Variants in PPARG observed in about 807,000 individuals in gnomAD.
PPARG encodes the protein peroxisome proliferator-activated receptor gamma.
In PPARG, 17 loss-of-function variants were observed where a neutral mutation model predicts 39.2. The observed-to-expected ratio is 0.43, with a 90% CI of 0.30 to 0.65. The LOEUF (loss-of-function observed/expected upper bound fraction) is 0.65. PPARG is among the 30% of genes least tolerant of loss of function. The pLI, the probability that PPARG is intolerant of heterozygous loss-of-function variation, is 0.13. For synonymous variants in PPARG, 223 were observed against 215.7 expected (o/e 1.03, Z -0.30); for missense variants, 406 against 585.9 (o/e 0.69, Z 3.17).
intron 2 of PPARG, among the ~76,000 whole-genome samples, chr3:12,337,700 C>G (rs770331572): frequency 2.6e-5 from 4 of 152,160 alleles, no homozygotes; most frequent in Non-Finnish European, 5.9e-5. Context: ...TTGCTCCCAC[C>G]CCTGCCCCCA....
At chr3:12,389,086 T>A (rs1249111235) in intron 4 of PPARG, among the ~76,000 whole-genome samples, 1 of 152,212 alleles carries the variant, frequency 6.6e-6, no homozygotes, top group African/African-American at 2.4e-5. Flanking sequence ...AAGAGGTATG[T>A]CTTCTTCACT....
intron 2 of PPARG, among the ~76,000 whole-genome samples, chr3:12,330,630 T>C (rs921103141): frequency 6.6e-6 from 1 of 152,246 alleles, no homozygotes; most frequent in African/African-American, 2.4e-5. Flanking sequence ...TAAGGTCAAA[T>C]GCTTTTTGTG....
intron 6 of PPARG, among the ~76,000 whole-genome samples, chr3:12,409,833 TG>T (rs2050814694): frequency 6.6e-6 from 1 of 152,216 alleles, no homozygotes; most frequent in East Asian, 1.9e-4. Flanking sequence ...TATTGTAGAA[TG>T]CGCCCTGCCC....
chr3:12,359,610 T>C (rs896601210), intron 2 of PPARG, among the ~76,000 whole-genome samples: 8 of 151,872 alleles, frequency 5.3e-5, no homozygotes, highest in African/African-American at 1.9e-4. Flanking sequence ...ATAGGCCTTA[T>C]ATACAAGCCA....
chr3:12,321,108 C>G (rs2125020212), intron 2 of PPARG, among the ~76,000 whole-genome samples: 1 of 152,274 alleles, frequency 6.6e-6, no homozygotes, highest in East Asian at 1.9e-4. Flanking sequence ...CACATATTTA[C>G]CAGGAAAAGC....
intron 7 of PPARG, among the ~76,000 whole-genome samples, chr3:12,425,063 C>T (rs1363932380): frequency 1.3e-5 from 2 of 152,174 alleles, no homozygotes; most frequent in Admixed American, 6.5e-5. Flanking sequence ...TATAAATACC[C>T]CTAGGGGATA....
chr3:12,341,917 TAC>T (rs2048194352), intron 2 of PPARG, among the ~76,000 whole-genome samples: 1 of 152,240 alleles, frequency 6.6e-6, no homozygotes, highest in Non-Finnish European at 1.5e-5. Context: ...TAAAGTTTGT[TAC>T]ACCTTTAGGT....
At chr3:12,336,550 C>A (rs546621375) in intron 2 of PPARG, among the ~76,000 whole-genome samples, 3 of 152,316 alleles carry the variant, frequency 2.0e-5, no homozygotes, top group African/African-American at 7.2e-5. Flanking sequence ...AACATCCCTG[C>A]TGATTACCTT....
chr3:12,381,584 T>G, intron 4 of PPARG, 93 bp downstream of exon 4: 3 of 1,358,016 alleles, frequency 2.2e-6, no homozygotes, highest in Non-Finnish European at 3.1e-6. Context: ...TATATGAATT[T>G]TTTTTCTTCA....
intron 2 of PPARG, among the ~76,000 whole-genome samples, chr3:12,361,031 T>C (rs1414057837): frequency 6.6e-6 from 1 of 152,160 alleles, no homozygotes; most frequent in Non-Finnish European, 1.5e-5. Flanking sequence ...TAGAAGTGCA[T>C]GAGTGTTCTA....
At chr3:12,309,789 A>G (rs1304300735) in intron 1 of PPARG, among the ~76,000 whole-genome samples, 4 of 152,048 alleles carry the variant, frequency 2.6e-5, no homozygotes, top group Non-Finnish European at 4.4e-5. Context: ...CTGCCTTATT[A>G]TTTACTTAGG....
At chr3:12,344,423 A>C (rs1051421806) in intron 2 of PPARG, among the ~76,000 whole-genome samples, 1 of 151,654 alleles carries the variant, frequency 6.6e-6, no homozygotes, top group Non-Finnish European at 1.5e-5. Context: ...ACCATCTACT[A>C]TTAATGGACT....
At position 12,417,063 on chromosome 3, in the gene PPARG, G is replaced by A. The variant is rs150242521; in HGVS notation, c.1089G>A (p.Glu363=). The A allele has an allele frequency of 1.7e-5, 28 of 1,613,346 alleles. No individual in the cohort carries two copies. Among genetic ancestry groups the A allele is most frequent in the African/African-American group, 9.4e-5 (7 of 74,854 alleles). Residue 363 remains glutamate, a synonymous_variant, in exon 7 of 8, where the codon GAG becomes GAA. Coordinates refer to ENST00000651735, the MANE Select transcript of PPARG (RefSeq NM_138711.6). ...SLRKPFGDFM[E]PKFEFAVKFN... ...GAAAGCCTTTTGGTGACTTTATGGA[G>A]CCCAAGTTTGAGTTTGCTGTGAAGT...
intron 5 of PPARG, among the ~76,000 whole-genome samples, chr3:12,393,025 TATA>T (rs2050133993): frequency 6.6e-6 from 1 of 152,168 alleles, no homozygotes; most frequent in Non-Finnish European, 1.5e-5. Context: ...TTAGAACAAA[TATA>T]ATGATCATCA....
intron 2 of PPARG, among the ~76,000 whole-genome samples, chr3:12,370,368 C>T (rs564969786): frequency 3.2e-4 from 48 of 151,536 alleles, no homozygotes; most frequent in African/African-American, 1.1e-3. Context: ...GTGTTCCTTT[C>T]TGTGTGGTTT....
chr3:12,329,808 C>T (rs1248903871), intron 2 of PPARG, among the ~76,000 whole-genome samples: 8 of 152,178 alleles, frequency 5.3e-5, no homozygotes, highest in Non-Finnish European at 1.2e-4. Flanking sequence ...ACCCACTCCC[C>T]AGCCCTGGTT....
rs532488530 is a variant in PPARG, at chr3:12,394,129, A to G, written c.529+1377A>G. 1.1e-4 allele frequency among the ~76,000 whole-genome samples: 17 copies of G among 152,328 alleles called. No homozygotes were observed. The South Asian group carries it at 3.5e-3, about 32-fold the overall frequency. ...GCTTCCAAGTCAAGGGTTGTATTTTAGGTGATGCAATCAAGTTGCAATAAA... is the reference window on the plus strand; with the variant it reads ...GCTTCCAAGTCAAGGGTTGTATTTTGGGTGATGCAATCAAGTTGCAATAAA... On this transcript the variant is annotated intron_variant, in intron 5 of 7. Transcript: ENST00000651735.
chr3:12,363,497 G>GT (rs4135253), intron 2 of PPARG, among the ~76,000 whole-genome samples: 109,347 of 152,046 alleles, frequency 0.72, 39,790 homozygotes, highest in East Asian at 0.86. Context: ...GTGTCACATG[G>GT]TTTGCCAGAC....
At chr3:12,424,911 G>T (rs1377539786) in intron 7 of PPARG, among the ~76,000 whole-genome samples, 1 of 152,182 alleles carries the variant, frequency 6.6e-6, no homozygotes, top group Non-Finnish European at 1.5e-5. Flanking sequence ...CTGGCACAAT[G>T]CCTGGGACAT....
Sources: gnomAD v4.1 joint callset for allele counts (sites outside exome capture counted in the v4.1 genomes callset) on GRCh38, gnomAD v4.1.1 for gene constraint, MANE v1.5 for transcripts, NCBI Gene and HGNC (gene_info 2026-07-23, HGNC 2026-07-21) for gene names.